The following KDM1B variants were observed in gnomAD, a reference collection of about 807,000 sequenced individuals.
KDM1B encodes the protein lysine-specific histone demethylase 2.
In KDM1B, 63 loss-of-function variants were observed where a neutral mutation model predicts 107.4. The observed-to-expected ratio is 0.59, with a 90% CI of 0.48 to 0.72. KDM1B has a LOEUF of 0.72. Among genes scored for constraint, KDM1B ranks in the 30% least tolerant of loss-of-function variants. The probability of loss-of-function intolerance (pLI) is 0.00; values close to 1 mark genes in which losing one functional copy is unlikely to be tolerated. For missense variants in KDM1B, 749 were observed against 1,020.8 expected, an observed-to-expected ratio of 0.73 and a Z score of 3.63; for synonymous variants, 363 against 363.9, an observed-to-expected ratio of 1.00 and a Z score of 0.03.
In KDM1B at chr6:18,197,488, A is replaced by T; in HGVS notation, c.1147-99A>T. Reference sequence around the variant, plus strand: ...AATAACTTTCTAAGGACATCAAAGAAATGTAAATGAACGAATTTGCTCTGC... The same window carrying T: ...AATAACTTTCTAAGGACATCAAAGATATGTAAATGAACGAATTTGCTCTGC... On this transcript the variant is annotated intron_variant, in intron 11 of 21. Coordinates refer to ENST00000650836, the MANE Select transcript of KDM1B (RefSeq NM_001364614.2). The surrounding 1 kb of genome is among the most constrained non-coding windows in gnomAD (Gnocchi z 4.5). 1 of 959,504 alleles carries T rather than the reference A, an allele frequency of 1.0e-6. No individual in the cohort carries two copies. Among genetic ancestry groups the T allele is most frequent in the Non-Finnish European group, 1.6e-6 (1 of 611,042 alleles). 59.4% of individuals were successfully genotyped at this position (959,504 alleles called of 1,614,324 possible).
rs1788059526 is a variant in KDM1B, at chr6:18,201,939, A to G, written c.1531+282A>G. 6.6e-6 allele frequency among the ~76,000 whole-genome samples: 1 copy of G among 152,224 alleles called. No homozygotes were observed. ...CTACGTGTTTAATTTTAAATTTCCC[A>G]GAGTAGCTTACTTTTATGGGAACAT... is the stretch of plus-strand genomic sequence containing the variant. On this transcript the variant is annotated intron_variant, in intron 14 of 21. Coordinates refer to ENST00000650836, the MANE Select transcript of KDM1B (RefSeq NM_001364614.2). This position sits in a 1 kb window ranked among gnomAD's most constrained non-coding sequence, Gnocchi z 4.3.
rs149146200 is a variant in KDM1B, at chr6:18,200,447, C to T, written c.1230C>T (p.Val410=). Residue 410 remains valine, a synonymous_variant, in exon 13 of 22, where the codon GTC becomes GTT. Transcript: ENST00000650836. This position sits in a 1 kb window ranked among gnomAD's most constrained non-coding sequence, Gnocchi z 4.3. Reference sequence around the variant, plus strand: ...ACTGTCTGTCTTTTTAGGTGACTGTCCTGGAAGCCAAAGACAGAATTGGAG... The same window carrying T: ...ACTGTCTGTCTTTTTAGGTGACTGTTCTGGAAGCCAAAGACAGAATTGGAG... ...QLHNFGIKVT[V]LEAKDRIGGR... 57 of 1,613,562 alleles carry T rather than the reference C, an allele frequency of 3.5e-5. No individual in the cohort carries two copies. The South Asian group carries it at 6.0e-4, about 17-fold the overall frequency.
At chr6:18,185,502 A>G (rs180923329) in intron 7 of KDM1B, among the ~76,000 whole-genome samples, 1 of 152,074 alleles carries the variant, frequency 6.6e-6, no homozygotes. Flanking sequence ...GTTTTTCACT[A>G]TTTTGGCCAG....
Position 18,221,987 on chromosome 6 carries a change from T to C in KDM1B, c.2464T>C (p.Phe822Leu), listed in dbSNP as rs1789792542. The change falls in exon 22 of 22, where the codon TTT (phenylalanine) becomes CTT (leucine). Residue 822 changes from phenylalanine (F) to leucine (L), a missense_variant. Phe to Leu is a conservative substitution (Grantham distance 22, BLOSUM62 0). Coordinates refer to ENST00000650836, the MANE Select transcript of KDM1B (RefSeq NM_001364614.2). ...GVREASKIAA[F>L] ...TCGAGAAGCAAGCAAGATTGCAGCATTTTAAGAATTCGGTGGACCCAGCTT... is the reference window on the plus strand; with the variant it reads ...TCGAGAAGCAAGCAAGATTGCAGCACTTTAAGAATTCGGTGGACCCAGCTT... 2 of 1,613,976 alleles carry C rather than the reference T, an allele frequency of 1.2e-6. No individual in the cohort carries two copies. The highest frequency in any genetic ancestry group is 3.3e-5 in the Admixed American group (2 of 60,022).
At chr6:18,156,986 C>T (rs967429400) in intron 2 of KDM1B, among the ~76,000 whole-genome samples, 2 of 152,114 alleles carry the variant, frequency 1.3e-5, no homozygotes, top group Non-Finnish European at 2.9e-5. Flanking sequence ...ATGAAATCTA[C>T]ATATTGATAT....
intron 7 of KDM1B, among the ~76,000 whole-genome samples, chr6:18,175,160 A>T (rs892798198): frequency 6.6e-6 from 1 of 152,134 alleles, no homozygotes; most frequent in South Asian, 2.1e-4. Context: ...CTGTGGTTTG[A>T]TATTTTTATT....
chr6:18,156,465 T>A (rs1027232142), intron 2 of KDM1B, among the ~76,000 whole-genome samples: 1 of 152,272 alleles, frequency 6.6e-6, no homozygotes, highest in East Asian at 1.9e-4. Context: ...TGACCAGTTT[T>A]GTTTTGTGTT....
chr6:18,169,383 C>T (rs897434384), intron 6 of KDM1B, among the ~76,000 whole-genome samples: 5 of 151,574 alleles, frequency 3.3e-5, no homozygotes, highest in Non-Finnish European at 5.9e-5. Flanking sequence ...TACAGGCACC[C>T]GCCACCACAC....
At chr6:18,218,376 G>C (rs1307716398) in intron 21 of KDM1B, among the ~76,000 whole-genome samples, 1 of 152,054 alleles carries the variant, frequency 6.6e-6, no homozygotes, top group Non-Finnish European at 1.5e-5. Flanking sequence ...TCCCACCTCA[G>C]CCTCCCAGAG....
intron 21 of KDM1B, among the ~76,000 whole-genome samples, chr6:18,221,042 C>T (rs1257869386): frequency 1.4e-5 from 2 of 144,530 alleles, no homozygotes; most frequent in African/African-American, 5.8e-5. Context: ...ACCGCTCCTT[C>T]TTCTAAAAAC....
intron 6 of KDM1B, among the ~76,000 whole-genome samples, chr6:18,167,719 C>T (rs572839395): frequency 3.0e-4 from 45 of 152,136 alleles, no homozygotes; most frequent in African/African-American, 1.0e-3. Flanking sequence ...AGTGATCCAC[C>T]TGCCTCAGCC....
At position 18,212,496 on chromosome 6, in the gene KDM1B, C is replaced by G; in HGVS notation, c.1875C>G (p.Val625=). The G allele has an allele frequency of 6.2e-6, 10 of 1,603,112 alleles. No homozygotes were observed. The highest frequency in any genetic ancestry group is 8.5e-6 in the Non-Finnish European group (10 of 1,169,950). Residue 625 remains valine, a synonymous_variant, in exon 18 of 22, where the codon GTC becomes GTG. Transcript: ENST00000650836. The surrounding 1 kb of genome is among the most constrained non-coding windows in gnomAD (Gnocchi z 5.2). Reference sequence around the variant, plus strand: ...TTAATTATTTTCCACAGGTATTAGTCACTGTACCACTGGCTTTACTACAGA... The same window carrying G: ...TTAATTATTTTCCACAGGTATTAGTGACTGTACCACTGGCTTTACTACAGA... ...GTGYSAQKVL[V]TVPLALLQKG... is the part of the protein sequence containing the mutation.
At chr6:18,158,323 C>CAA (rs56971577) in intron 2 of KDM1B, among the ~76,000 whole-genome samples, 87 of 99,362 alleles carry the variant, frequency 8.8e-4, no homozygotes, top group Non-Finnish European at 1.1e-3. Flanking sequence ...GACTCCTTCA[C>CAA]AAAAAAAAAA....
intron 2 of KDM1B, among the ~76,000 whole-genome samples, chr6:18,157,305 T>C (rs1293873913): frequency 2.0e-5 from 3 of 152,240 alleles, no homozygotes; most frequent in African/African-American, 4.8e-5. Flanking sequence ...GTTGAAAATA[T>C]GCTATCATAA....
At chr6:18,156,194 A>G (rs944258505) in intron 2 of KDM1B, among the ~76,000 whole-genome samples, 6 of 152,304 alleles carry the variant, frequency 3.9e-5, no homozygotes, top group Admixed American at 2.6e-4. Flanking sequence ...GAGCATTGCC[A>G]GGTTGCTGGG....
At chr6:18,171,608 AC>A in intron 7 of KDM1B, 129 bp downstream of exon 7, 2 of 654,586 alleles carry the variant, frequency 3.1e-6, no homozygotes, top group South Asian at 3.5e-5. Context: ...ATGTAATAGA[AC>A]CCCAACTATA....
In KDM1B at chr6:18,200,301, T is replaced by G. The variant is rs1787950634; in HGVS notation, c.1222-138T>G. 1 of 907,462 alleles carries G rather than the reference T, an allele frequency of 1.1e-6. No individual in the cohort carries two copies. The allele number at this position is 907,462 out of a possible 1,614,324, so 56.2% of individuals were successfully genotyped here. ...GCTTCTCTTCACACTGCCTGCTTTT[T>G]AAAGTTGTTTTTTTAGAAATATTTG... On this transcript the variant is annotated intron_variant, in intron 12 of 21. Transcript: ENST00000650836. This position sits in a 1 kb window ranked among gnomAD's most constrained non-coding sequence, Gnocchi z 4.3.
At chr6:18,194,870 A>G (rs1375879351) in intron 10 of KDM1B, among the ~76,000 whole-genome samples, 1 of 152,116 alleles carries the variant, frequency 6.6e-6, no homozygotes, top group Non-Finnish European at 1.5e-5. Flanking sequence ...ATGTATAACC[A>G]TCACCACTAT....
intron 7 of KDM1B, among the ~76,000 whole-genome samples, chr6:18,173,581 C>G (rs184927299): frequency 1.3e-5 from 2 of 152,180 alleles, no homozygotes; most frequent in East Asian, 3.9e-4. Flanking sequence ...TTACCTTTCA[C>G]CTTGTAAACA....
Sources: allele counts gnomAD v4.1 joint callset (sites outside exome capture counted in the v4.1 genomes callset), GRCh38; gene constraint gnomAD v4.1.1; non-coding constraint Gnocchi (gnomAD v3.1); transcripts MANE v1.5; gene names NCBI Gene and HGNC (gene_info 2026-07-23, HGNC 2026-07-21).